Variants in DSCAML1 observed in about 807,000 individuals in gnomAD.
DSCAML1 encodes cell adhesion molecule DSCAML1.
DSCAML1 carries 38 observed loss-of-function variants against 200.5 expected under a neutral mutation model. The ratio of observed to expected loss-of-function variants is 0.19; its 90% CI spans 0.15 to 0.25. DSCAML1 has a LOEUF of 0.25. Ranked by LOEUF, DSCAML1 falls within the 10% of genes least tolerant of loss-of-function variation. The pLI, the probability that DSCAML1 is intolerant of heterozygous loss-of-function variation, is 1.00. For synonymous variants in DSCAML1, 1,215 were observed against 1,165.0 expected, an observed-to-expected ratio of 1.04 and a Z score of -0.87; for missense variants, 2,223 against 2,858.8, an observed-to-expected ratio of 0.78 and a Z score of 5.07.
At position 117,505,437 on chromosome 11, in the gene DSCAML1, G is replaced by A. The variant is rs756597514; in HGVS notation, c.2062+17C>T. On this transcript the variant is annotated intron_variant, in intron 9 of 32. Transcript: ENST00000651296. The surrounding 1 kb of genome is among the most constrained non-coding windows in gnomAD (Gnocchi z 6.7). ...ATGGGCTCCTCCCTCCCCTGAGGCT[G>A]GCCTGTCCCTGCTCACCACGCACGA... 35 of 1,604,096 alleles carry A rather than the reference G, an allele frequency of 2.2e-5. No individual in the cohort carries two copies. In the South Asian group the frequency reaches 3.8e-4, roughly 18 times the overall value.
At chr11:117,807,936 C>T (rs1214133404) in intron 1 of DSCAML1, among the ~76,000 whole-genome samples, 1 of 152,170 alleles carries the variant, frequency 6.6e-6, no homozygotes, top group Admixed American at 6.5e-5. Context: ...ATTCTCCCAC[C>T]TCAGCCTCCC....
intron 3 of DSCAML1, among the ~76,000 whole-genome samples, chr11:117,610,455 G>A (rs2051665943): frequency 6.6e-6 from 1 of 152,036 alleles, no homozygotes; most frequent in Non-Finnish European, 1.5e-5. Flanking sequence ...CTTGACAAGG[G>A]TGCCTCTTTA....
intron 3 of DSCAML1, among the ~76,000 whole-genome samples, chr11:117,634,787 T>C (rs915594828): frequency 5.3e-5 from 8 of 152,152 alleles, no homozygotes; most frequent in African/African-American, 1.9e-4. Context: ...GTCGTGGTGG[T>C]GGGTCGCAGG....
chr11:117,642,920 C>T lies in DSCAML1; in HGVS notation c.512-110398G>A, dbSNP rs1482671011. Reference sequence around the variant, plus strand: ...GCCCTCAGGGAGTAAAAGGAAGAGACGCCAGGACAGTTTTCCCCAACCTTC... The same window carrying T: ...GCCCTCAGGGAGTAAAAGGAAGAGATGCCAGGACAGTTTTCCCCAACCTTC... On this transcript the variant is annotated intron_variant, in intron 3 of 32. Transcript: ENST00000651296. The surrounding 1 kb of genome is among the most constrained non-coding windows in gnomAD (Gnocchi z 4.1). Among the ~76,000 whole-genome samples the T allele has an allele frequency of 2.0e-5, 3 of 152,156 alleles. No individual in the cohort carries two copies. The highest frequency in any genetic ancestry group is 4.1e-4 in the South Asian group (2 of 4,826).
Position 117,505,836 on chromosome 11 carries a change from CA to C in DSCAML1, c.1784-105del. 7.3e-7 allele frequency: 1 copy of C among 1,379,048 alleles called. No individual in the cohort carries two copies. Among genetic ancestry groups the C allele is most frequent in the Non-Finnish European group, 9.7e-7 (1 of 1,028,536 alleles). 85.4% of individuals were successfully genotyped at this position (1,379,048 alleles called of 1,614,324 possible). ...CTGGGGCTCTGGGTTGGGCCTTGAACAAAGATCCCCTGGGGCACTGCAGCCT... is the reference window on the plus strand; with the variant it reads ...CTGGGGCTCTGGGTTGGGCCTTGAACAAGATCCCCTGGGGCACTGCAGCCT... On this transcript the variant is annotated intron_variant, in intron 8 of 32. Transcript: ENST00000651296. This position sits in a 1 kb window ranked among gnomAD's most constrained non-coding sequence, Gnocchi z 6.7.
chr11:117,705,653 G>C (rs2053747395), intron 3 of DSCAML1, among the ~76,000 whole-genome samples: 2 of 152,154 alleles, frequency 1.3e-5, no homozygotes, highest in African/African-American at 2.4e-5. Flanking sequence ...CCTGTCTAAC[G>C]TCTTGCCTCT....
At chr11:117,462,923 T>C (rs1475731541) in intron 17 of DSCAML1, among the ~76,000 whole-genome samples, 1 of 152,232 alleles carries the variant, frequency 6.6e-6, no homozygotes, top group East Asian at 1.9e-4. Flanking sequence ...CCATAGCCTG[T>C]GCTGATCTCT....
chr11:117,480,698 G>C lies in DSCAML1; in HGVS notation c.2657-127C>G, dbSNP rs2048896844. The stretch of plus-strand genomic sequence containing the variant: ...CTCTGGCACCCTAGGGTTTGAGCAG[G>C]GTGGGGGCTGGAGGAGGCCAGCAGC... On this transcript the variant is annotated intron_variant, in intron 13 of 32. Coordinates refer to ENST00000651296, the MANE Select transcript of DSCAML1 (RefSeq NM_020693.4). The surrounding 1 kb of genome is among the most constrained non-coding windows in gnomAD (Gnocchi z 4.1). The C allele has an allele frequency of 9.3e-7, 1 of 1,074,690 alleles. No homozygotes were observed. The highest frequency in any genetic ancestry group is 1.3e-6 in the Non-Finnish European group (1 of 749,202). 66.6% of individuals were successfully genotyped at this position (1,074,690 alleles called of 1,614,324 possible). A position where few individuals can be genotyped will look rare whatever the true frequency, so the allele number is the denominator to read the frequency against.
intron 3 of DSCAML1, among the ~76,000 whole-genome samples, chr11:117,630,436 G>C (rs2052146247): frequency 6.6e-6 from 1 of 152,040 alleles, no homozygotes; most frequent in Non-Finnish European, 1.5e-5. Flanking sequence ...CCATTCCAGG[G>C]AAAGGCATGG....
intron 3 of DSCAML1, among the ~76,000 whole-genome samples, chr11:117,577,565 TCTTTC>T (rs1420238290): frequency 8.1e-5 from 11 of 136,332 alleles, no homozygotes; most frequent in Non-Finnish European, 1.7e-4. Flanking sequence ...CCTCCTTCCT[TCTTTC>T]CTTTCTTTTT....
Position 117,628,449 on chromosome 11 carries a change from C to T in DSCAML1, c.512-95927G>A, listed in dbSNP as rs142041306. 2.4e-3 allele frequency among the ~76,000 whole-genome samples: 364 copies of T among 152,316 alleles called. 3 individuals carry two copies. The highest frequency in any genetic ancestry group is 8.0e-3 in the African/African-American group (333 of 41,572). On this transcript the variant is annotated intron_variant, in intron 3 of 32. Transcript: ENST00000651296. ...CAGGGAGAAGCACCAGTTTCAGTCA[C>T]GTGCAAAATGTAAAATCCTTTACTA...
chr11:117,490,311 T>C (rs982011933), intron 11 of DSCAML1, among the ~76,000 whole-genome samples: 10 of 152,190 alleles, frequency 6.6e-5, no homozygotes, highest in Non-Finnish European at 1.3e-4. Context: ...TTGGACCAGC[T>C]GCTATTTACA....
intron 3 of DSCAML1, among the ~76,000 whole-genome samples, chr11:117,621,072 C>T (rs77974673): frequency 0.015 from 2,327 of 152,332 alleles, 32 homozygotes; most frequent in Non-Finnish European, 0.023. Flanking sequence ...GGTTTACTGT[C>T]TATGGACATG....
intron 4 of DSCAML1, among the ~76,000 whole-genome samples, chr11:117,531,643 G>A (rs2050078215): frequency 6.6e-6 from 1 of 152,096 alleles, no homozygotes; most frequent in Non-Finnish European, 1.5e-5. Flanking sequence ...CAGCACTTTG[G>A]GAGGCTGAGG....
chr11:117,809,293 G>T (rs1187616726), intron 1 of DSCAML1, among the ~76,000 whole-genome samples: 4 of 152,256 alleles, frequency 2.6e-5, no homozygotes, highest in Non-Finnish European at 5.9e-5. Flanking sequence ...CCTGGAAAGT[G>T]CAGTGTGGGA....
Position 117,480,432 on chromosome 11 carries a change from C to A in DSCAML1, c.2785+11G>T, listed in dbSNP as rs75603981. On this transcript the variant is annotated intron_variant, in intron 14 of 32. Transcript: ENST00000651296. This position sits in a 1 kb window ranked among gnomAD's most constrained non-coding sequence, Gnocchi z 4.1. The stretch of plus-strand genomic sequence containing the variant: ...CAGGCCACGCTGTCACCCTCCTGGC[C>A]CAGCGCCTACCTGATTTGTTCTTGT... The A allele has an allele frequency of 8.7e-6, 14 of 1,613,038 alleles. No individual in the cohort carries two copies. The Admixed American group carries it at 1.7e-4, about 19-fold the overall frequency.
At chr11:117,497,148 A>T (rs1173982550) in intron 11 of DSCAML1, among the ~76,000 whole-genome samples, 1 of 152,202 alleles carries the variant, frequency 6.6e-6, no homozygotes, top group Admixed American at 6.5e-5. Flanking sequence ...AGCTCTAGTC[A>T]TGCCTTAGTG....
At chr11:117,508,844 T>C (rs867617756) in intron 8 of DSCAML1, among the ~76,000 whole-genome samples, 2 of 152,152 alleles carry the variant, frequency 1.3e-5, no homozygotes, top group South Asian at 2.1e-4. Context: ...CATGTTTCCA[T>C]TGAGGCCAGA....
chr11:117,482,959 G>A (rs1369908360), intron 11 of DSCAML1, among the ~76,000 whole-genome samples: 45 of 152,136 alleles, frequency 3.0e-4, no homozygotes, highest in Non-Finnish European at 4.4e-5. Context: ...GGAAAACCCT[G>A]GACACCACTA....
Sources: gnomAD v4.1 joint callset for allele counts (sites outside exome capture counted in the v4.1 genomes callset) on GRCh38, gnomAD v4.1.1 for gene constraint, Gnocchi (gnomAD v3.1) non-coding constraint, MANE v1.5 for transcripts, NCBI Gene and HGNC (gene_info 2026-07-23, HGNC 2026-07-21) for gene names.